Variants in RAB31 observed in about 807,000 individuals in gnomAD.
RAB31 encodes the protein RAB31, member RAS oncogene family.
In RAB31, 21 loss-of-function variants were observed where a neutral mutation model predicts 25.6. That is an observed-to-expected ratio of 0.82 (90% CI 0.58 to 1.18). The LOEUF (loss-of-function observed/expected upper bound fraction) is 1.18, where lower values mean the gene tolerates loss of function less well. RAB31 is among the 50% of genes most tolerant of loss of function. The pLI, the probability that RAB31 is intolerant of heterozygous loss-of-function variation, is 0.00. For missense variants in RAB31, 196 were observed against 250.1 expected (o/e 0.78, Z 1.46); for synonymous variants, 87 against 84.0 (o/e 1.04, Z -0.20).
rs564388232 is a variant in RAB31, at chr18:9,803,976, G to A, written c.202-10044G>A. Among the ~76,000 whole-genome samples the A allele has an allele frequency of 3.3e-5, 5 of 152,340 alleles. No individual in the cohort carries two copies. In the South Asian group the frequency reaches 8.3e-4, roughly 25 times the overall value. On this transcript the variant is annotated intron_variant, in intron 3 of 6. Coordinates refer to ENST00000578921, the MANE Select transcript of RAB31 (RefSeq NM_006868.4). ...AAGGAGGAAGGACATGTTCATATAC[G>A]AAGATACCTTTCGGGAGTTCTTAGG...
At chr18:9,771,994 A>G (rs535896050) in intron 1 of RAB31, among the ~76,000 whole-genome samples, 10 of 152,342 alleles carry the variant, frequency 6.6e-5, no homozygotes, top group African/African-American at 1.9e-4. Flanking sequence ...CTCTTCAGAC[A>G]AGTTGGCGTT....
chr18:9,757,984 T>C (rs2068268366), intron 1 of RAB31: 1 of 152,284 alleles, frequency 6.6e-6, no homozygotes. Context: ...CTTGATGTTA[T>C]CGTACTTACC....
chr18:9,727,721 A>T (rs1400189951), intron 1 of RAB31, among the ~76,000 whole-genome samples: 1 of 152,232 alleles, frequency 6.6e-6, no homozygotes, highest in Non-Finnish European at 1.5e-5. Flanking sequence ...ATTTTTAATG[A>T]ACAAAACCTT....
chr18:9,735,058 C>T (rs1234684996), intron 1 of RAB31: 4 of 166,610 alleles, frequency 2.4e-5, no homozygotes, highest in East Asian at 3.6e-4. Context: ...CGCTCTGTCG[C>T]CCAGGCTGGA....
chr18:9,779,186 T>C (rs941672718), intron 2 of RAB31, among the ~76,000 whole-genome samples: 1 of 152,206 alleles, frequency 6.6e-6, no homozygotes. Context: ...CAGTTTTTCC[T>C]GTAAACTAAA....
At position 9,730,084 on chromosome 18, in the gene RAB31, C is replaced by A. The variant is rs143671232; in HGVS notation, c.39+21640C>A. Among the ~76,000 whole-genome samples, 3 of 152,278 alleles carry A rather than the reference C, an allele frequency of 2.0e-5. No individual in the cohort carries two copies. In the East Asian group the frequency reaches 5.8e-4, roughly 29 times the overall value. On this transcript the variant is annotated intron_variant, in intron 1 of 6. Coordinates refer to ENST00000578921, the MANE Select transcript of RAB31 (RefSeq NM_006868.4). ...TGGAAGGAACATAATCTGAGCCATT[C>A]AGATACAACGAAATCCAGCTCCTCT... is the stretch of plus-strand genomic sequence containing the variant.
intron 1 of RAB31, among the ~76,000 whole-genome samples, chr18:9,767,190 T>G (rs950854625): frequency 2.0e-5 from 3 of 152,250 alleles, no homozygotes; most frequent in Non-Finnish European, 2.9e-5. Flanking sequence ...GCAAATCATA[T>G]TCTCTCTCTT....
At chr18:9,738,127 C>T (rs578123514) in intron 1 of RAB31, among the ~76,000 whole-genome samples, 6 of 152,330 alleles carry the variant, frequency 3.9e-5, no homozygotes, top group South Asian at 4.1e-4. Context: ...GACTTAACGC[C>T]GCCTGGGCCA....
In RAB31 at chr18:9,708,577, C is replaced by A; in HGVS notation, c.39+133C>A. ...CCCCTCTCGTAGCCCCCGTCCCCCT[C>A]GTCCGCGCGCCCCCTGGTTCCCCGG... On this transcript the variant is annotated intron_variant, in intron 1 of 6. Coordinates refer to ENST00000578921, the MANE Select transcript of RAB31 (RefSeq NM_006868.4). This position sits in a 1 kb window ranked among gnomAD's most constrained non-coding sequence, Gnocchi z 6.4. The A allele has an allele frequency of 2.6e-6, 2 of 781,030 alleles. No individual in the cohort carries two copies. Among genetic ancestry groups the A allele is most frequent in the South Asian group, 2.5e-5 (1 of 40,310 alleles). The allele number at this position is 781,030 out of a possible 1,614,324, so 48.4% of individuals were successfully genotyped here. A position where few individuals can be genotyped will look rare whatever the true frequency, so the allele number is the denominator to read the frequency against.
chr18:9,740,962 T>G (rs531141364), intron 1 of RAB31, among the ~76,000 whole-genome samples: 195 of 152,236 alleles, frequency 1.3e-3, no homozygotes, highest in Non-Finnish European at 2.4e-3. Context: ...GTAAGTGGCC[T>G]CTGGGTTCTT....
chr18:9,713,804 A>G (rs1339517586), intron 1 of RAB31, among the ~76,000 whole-genome samples: 3 of 152,230 alleles, frequency 2.0e-5, no homozygotes, highest in Non-Finnish European at 2.9e-5. Flanking sequence ...TGGCAGATCT[A>G]GTGCCTGGTG....
intron 1 of RAB31, among the ~76,000 whole-genome samples, chr18:9,728,818 C>T (rs2902843): frequency 0.18 from 27,831 of 152,110 alleles, 2,790 homozygotes; most frequent in East Asian, 0.33. Context: ...GGATTACAGG[C>T]GTGAGCCACC....
chr18:9,710,724 G>A (rs1599006374), intron 1 of RAB31, among the ~76,000 whole-genome samples: 1 of 152,140 alleles, frequency 6.6e-6, no homozygotes, highest in South Asian at 2.1e-4. Flanking sequence ...GGGCGGTAGC[G>A]GCGCATGCTT....
chr18:9,859,536 A>C lies in RAB31; in HGVS notation c.*211A>C. On this transcript the variant is annotated 3_prime_UTR_variant, in exon 7 of 7. Coordinates refer to ENST00000578921, the MANE Select transcript of RAB31 (RefSeq NM_006868.4). ...GGGAAAACCCACCACACCACCACAAAATGGCCTTTAGTGTATGAAATGCAC... is the reference window on the plus strand; with the variant it reads ...GGGAAAACCCACCACACCACCACAACATGGCCTTTAGTGTATGAAATGCAC... 1 of 452,174 alleles carries C rather than the reference A, an allele frequency of 2.2e-6. No homozygotes were observed. Among genetic ancestry groups the C allele is most frequent in the Non-Finnish European group, 3.9e-6 (1 of 255,572 alleles). 28.0% of individuals were successfully genotyped at this position (452,174 alleles called of 1,614,324 possible). A position where few individuals can be genotyped will look rare whatever the true frequency, so the allele number is the denominator to read the frequency against.
In RAB31 at chr18:9,732,887, A is replaced by G. The variant is rs527506538; in HGVS notation, c.39+24443A>G. ...TGTGCTAATGCTCATCTTACTGAGC[A>G]TAATAACCTGGAGCATGACCTATAT... On this transcript the variant is annotated intron_variant, in intron 1 of 6. Transcript: ENST00000578921. Among the ~76,000 whole-genome samples the G allele has an allele frequency of 1.4e-4, 21 of 152,338 alleles. No homozygotes were observed. In the East Asian group the frequency reaches 1.7e-3, roughly 13 times the overall value.
chr18:9,756,036 T>G (rs1415257321), intron 1 of RAB31, among the ~76,000 whole-genome samples: 1 of 152,246 alleles, frequency 6.6e-6, no homozygotes, highest in East Asian at 1.9e-4. Context: ...TGACTTTTAT[T>G]TATATTTTGT....
At chr18:9,755,877 G>A (rs72955242) in intron 1 of RAB31, among the ~76,000 whole-genome samples, 19,177 of 152,240 alleles carry the variant, frequency 0.13, 1,420 homozygotes, top group Middle Eastern at 0.17. Context: ...GCAATGTGGC[G>A]TGGATTCTTC....
intron 6 of RAB31, among the ~76,000 whole-genome samples, chr18:9,856,989 A>G (rs1163055818): frequency 2.0e-5 from 3 of 152,104 alleles, no homozygotes; most frequent in Non-Finnish European, 2.9e-5. Context: ...TTTAATTGTG[A>G]TAAATTTAAA....
chr18:9,765,102 G>A lies in RAB31; in HGVS notation c.40-10176G>A, dbSNP rs1270293689. Among the ~76,000 whole-genome samples, 5 of 151,958 alleles carry A rather than the reference G, an allele frequency of 3.3e-5. No homozygotes were observed. The South Asian group carries it at 8.3e-4, about 25-fold the overall frequency. ...CATGTAGCTGGAATTACAGGCTCTC[G>A]CCACCACGCCTGTCTGATTTTTGTA... is the stretch of plus-strand genomic sequence containing the variant. On this transcript the variant is annotated intron_variant, in intron 1 of 6. Transcript: ENST00000578921.
Sources: gnomAD v4.1 joint callset for allele counts (sites outside exome capture counted in the v4.1 genomes callset) on GRCh38, gnomAD v4.1.1 for gene constraint, Gnocchi (gnomAD v3.1) non-coding constraint, MANE v1.5 for transcripts, NCBI Gene and HGNC (gene_info 2026-07-23, HGNC 2026-07-21) for gene names.